EYS: variants seen among roughly 807,000 people sequenced by gnomAD.
The protein encoded by EYS is protein eyes shut homolog.
Under a neutral mutation model 282.1 loss-of-function variants are expected in EYS, and 250 were observed. The observed-to-expected ratio is 0.89, with a 90% CI of 0.80 to 0.98. The LOEUF (loss-of-function observed/expected upper bound fraction) is 0.98, where lower values mean the gene tolerates loss of function less well. Among genes scored for constraint, EYS ranks in the 50% least tolerant of loss-of-function variants. EYS has a pLI of 0.00. For synonymous variants in EYS, 1,355 were observed against 1,282.9 expected (o/e 1.06, Z -1.20); for missense variants, 4,016 against 3,709.0 (o/e 1.08, Z -2.15).
intron 23 of EYS, among the ~76,000 whole-genome samples, chr6:64,621,166 C>A (rs554030630): frequency 2.2e-4 from 34 of 151,952 alleles, no homozygotes; most frequent in Non-Finnish European, 4.1e-4. Context: ...GAAGACTAAA[C>A]CAAATCTTTA....
intron 22 of EYS, among the ~76,000 whole-genome samples, chr6:64,729,563 C>A (rs557125139): frequency 6.6e-6 from 1 of 152,226 alleles, no homozygotes; most frequent in South Asian, 2.1e-4. Context: ...AGAAAGCAAG[C>A]CTAATTGCGC....
intron 1 of EYS, among the ~76,000 whole-genome samples, chr6:65,670,153 A>G (rs1216456674): frequency 6.6e-6 from 1 of 151,940 alleles, no homozygotes; most frequent in Non-Finnish European, 1.5e-5. Flanking sequence ...TCTAAGGGCC[A>G]TTTCTCTCTG....
intron 37 of EYS, among the ~76,000 whole-genome samples, chr6:63,793,721 C>T (rs1303119051): frequency 6.6e-6 from 1 of 152,060 alleles, no homozygotes; most frequent in Non-Finnish European, 1.5e-5. Context: ...GGCATTTCTC[C>T]CTGCTTTTTG....
chr6:64,841,956 A>G (rs1164029109), intron 19 of EYS, among the ~76,000 whole-genome samples: 2 of 152,148 alleles, frequency 1.3e-5, no homozygotes, highest in African/African-American at 4.8e-5. Flanking sequence ...AGTGATGGAA[A>G]TGTCAATAAG....
chr6:64,971,860 G>A (rs796136252), intron 14 of EYS, among the ~76,000 whole-genome samples: 1 of 152,086 alleles, frequency 6.6e-6, no homozygotes, highest in Admixed American at 6.6e-5. Flanking sequence ...TGCCTTTGTT[G>A]TTACAGAAAA....
At chr6:64,277,569 C>A (rs1768157639) in intron 30 of EYS, among the ~76,000 whole-genome samples, 1 of 152,018 alleles carries the variant, frequency 6.6e-6, no homozygotes, top group Non-Finnish European at 1.5e-5. Context: ...AGTCATTGGG[C>A]AGATAAGATA....
rs200867027 is a variant in EYS, at chr6:65,305,214, C to CA, written c.1767-9096dup. On this transcript the variant is annotated intron_variant, in intron 11 of 42. Transcript: ENST00000503581. ...AAGTTCTGTCATACCCTTCTCTCCA[C>CA]AAAAAAGAGACTGAGAGGGAGATCA... 9.4e-3 allele frequency among the ~76,000 whole-genome samples: 1,424 copies of CA among 152,094 alleles called. 25 individuals are homozygous for CA. The highest frequency in any genetic ancestry group is 0.033 in the African/African-American group (1,349 of 41,478).
intron 22 of EYS, among the ~76,000 whole-genome samples, chr6:64,672,341 G>C (rs898360362): frequency 6.6e-6 from 1 of 152,100 alleles, no homozygotes; most frequent in Admixed American, 6.6e-5. Context: ...ATACAAGTAC[G>C]TACAATCTGA....
chr6:64,937,721 T>C (rs376350640), intron 15 of EYS, among the ~76,000 whole-genome samples: 1 of 151,660 alleles, frequency 6.6e-6, no homozygotes, highest in East Asian at 1.9e-4. Flanking sequence ...GAAAAGAGTT[T>C]GGAAGTTCCT....
chr6:65,454,118 G>T (rs1019448415), intron 5 of EYS, among the ~76,000 whole-genome samples: 1 of 127,034 alleles, frequency 7.9e-6, no homozygotes, highest in Admixed American at 8.8e-5. Flanking sequence ...TTTCCATAAT[G>T]TCTCTACTAG....
At chr6:64,144,773 AC>A (rs1198740601) in intron 31 of EYS, among the ~76,000 whole-genome samples, 1 of 152,186 alleles carries the variant, frequency 6.6e-6, no homozygotes, top group Non-Finnish European at 1.5e-5. Context: ...GCTGTGAAAC[AC>A]ATATGGTCCC....
intron 22 of EYS, among the ~76,000 whole-genome samples, chr6:64,794,150 C>T (rs903187866): frequency 5.3e-5 from 8 of 152,128 alleles, no homozygotes; most frequent in Non-Finnish European, 1.0e-4. Context: ...AAAAGTTCAT[C>T]CATCTTGTAA....
intron 19 of EYS, among the ~76,000 whole-genome samples, chr6:64,874,054 T>C (rs1367028772): frequency 1.3e-5 from 2 of 152,084 alleles, no homozygotes; most frequent in African/African-American, 2.4e-5. Context: ...TTAAGATTTC[T>C]TTAAATTTGA....
chr6:64,780,975 C>G (rs1211409510), intron 22 of EYS, among the ~76,000 whole-genome samples: 1 of 152,054 alleles, frequency 6.6e-6, no homozygotes, highest in Non-Finnish European at 1.5e-5. Flanking sequence ...GTTTATATTT[C>G]TTTACATCAC....
chr6:63,955,783 C>T (rs1192855974), intron 35 of EYS, among the ~76,000 whole-genome samples: 2 of 152,104 alleles, frequency 1.3e-5, no homozygotes, highest in African/African-American at 4.8e-5. Context: ...ACGCTGAACC[C>T]CCTTGGGTGC....
intron 12 of EYS, among the ~76,000 whole-genome samples, chr6:65,088,022 T>C (rs564255626): frequency 2.6e-5 from 4 of 152,292 alleles, no homozygotes; most frequent in Admixed American, 2.6e-4. Context: ...ACTCACTCCA[T>C]ACTCCTGTCC....
chr6:64,900,920 T>A (rs1282863404), intron 18 of EYS, among the ~76,000 whole-genome samples: 1 of 152,108 alleles, frequency 6.6e-6, no homozygotes, highest in Non-Finnish European at 1.5e-5. Context: ...TAAATCATTC[T>A]ACTATAAAGA....
At chr6:64,784,350 A>G (rs988752461) in intron 22 of EYS, among the ~76,000 whole-genome samples, 6 of 152,142 alleles carry the variant, frequency 3.9e-5, no homozygotes, top group Non-Finnish European at 8.8e-5. Context: ...TATAAGATCT[A>G]TTCCCTATAA....
chr6:64,077,167 T>C (rs1422219946), intron 32 of EYS, among the ~76,000 whole-genome samples: 1 of 151,928 alleles, frequency 6.6e-6, no homozygotes, highest in Non-Finnish European at 1.5e-5. Flanking sequence ...TTGGGACCCA[T>C]TAAGGAGGGA....
Sources: gnomAD v4.1 joint callset for allele counts (sites outside exome capture counted in the v4.1 genomes callset) on GRCh38, gnomAD v4.1.1 for gene constraint, MANE v1.5 for transcripts, NCBI Gene and HGNC (gene_info 2026-07-23, HGNC 2026-07-21) for gene names.